The following GALNTL6 variants were observed in gnomAD, a reference collection of about 807,000 sequenced individuals.
GALNTL6 encodes the protein polypeptide N-acetylgalactosaminyltransferase-like 6.
In GALNTL6, 46 loss-of-function variants were observed where a neutral mutation model predicts 73.7. That is an observed-to-expected ratio of 0.62 (90% CI 0.49 to 0.80). The LOEUF is 0.80. GALNTL6 is among the 30% of genes least tolerant of loss of function. The probability of loss-of-function intolerance (pLI) is 0.00; values close to 1 mark genes in which losing one functional copy is unlikely to be tolerated. For synonymous variants in GALNTL6, 259 were observed against 263.7 expected (o/e 0.98, Z 0.17); for missense variants, 604 against 755.0 (o/e 0.80, Z 2.34).
intron 2 of GALNTL6, among the ~76,000 whole-genome samples, chr4:171,958,012 G>GAAAAGC: frequency 6.6e-6 from 1 of 152,284 alleles, no homozygotes; most frequent in South Asian, 2.1e-4. Context: ...TTTATGATCA[G>GAAAAGC]AAAAGCACCT....
chr4:172,763,206 AC>A (rs1738220487), intron 5 of GALNTL6, among the ~76,000 whole-genome samples: 1 of 152,212 alleles, frequency 6.6e-6, no homozygotes, highest in African/African-American at 2.4e-5. Context: ...AAAAAAAAAA[AC>A]AAAACTGGAG....
At chr4:172,110,553 T>G (rs1732823601) in intron 2 of GALNTL6, among the ~76,000 whole-genome samples, 1 of 152,188 alleles carries the variant, frequency 6.6e-6, no homozygotes, top group African/African-American at 2.4e-5. Flanking sequence ...CTGCCAACAA[T>G]CTTCCTAGAG....
intron 5 of GALNTL6, among the ~76,000 whole-genome samples, chr4:172,802,375 C>A (rs1740699499): frequency 6.6e-6 from 1 of 152,028 alleles, no homozygotes; most frequent in African/African-American, 2.4e-5. Flanking sequence ...TAAAAGAATT[C>A]TTAACAGGAC....
chr4:172,926,567 C>A (rs944182599), intron 8 of GALNTL6, among the ~76,000 whole-genome samples: 1 of 152,206 alleles, frequency 6.6e-6, no homozygotes, highest in Non-Finnish European at 1.5e-5. Flanking sequence ...TCACTTATCA[C>A]CATCTCCTAG....
In GALNTL6 at chr4:172,699,121, C is replaced by T. The variant is rs1246584919; in HGVS notation, c.554-110240C>T. Among the ~76,000 whole-genome samples, 3 of 152,190 alleles carry T rather than the reference C, an allele frequency of 2.0e-5. No homozygotes were observed. In the East Asian group the frequency reaches 5.8e-4, roughly 29 times the overall value. Reference sequence around the variant, plus strand: ...ATGGTGGAAGGGGCAAGAAAGCTCTCTGGGGACTCCTTCATGAGGATCTTA... The same window carrying T: ...ATGGTGGAAGGGGCAAGAAAGCTCTTTGGGGACTCCTTCATGAGGATCTTA... On this transcript the variant is annotated intron_variant, in intron 5 of 12. Coordinates refer to ENST00000506823, the MANE Select transcript of GALNTL6 (RefSeq NM_001034845.3).
At chr4:172,011,948 A>T (rs533002179) in intron 2 of GALNTL6, among the ~76,000 whole-genome samples, 3 of 152,176 alleles carry the variant, frequency 2.0e-5, no homozygotes, top group Admixed American at 2.0e-4. Flanking sequence ...TTAATGGTGA[A>T]CTAAGACCTT....
chr4:172,020,608 A>G (rs1040969486), intron 2 of GALNTL6, among the ~76,000 whole-genome samples: 6 of 151,982 alleles, frequency 3.9e-5, no homozygotes, highest in Admixed American at 1.3e-4. Context: ...AGATTAGACC[A>G]TGAAGAAATA....
chr4:171,867,455 C>T (rs1475893009), intron 2 of GALNTL6, among the ~76,000 whole-genome samples: 1 of 152,192 alleles, frequency 6.6e-6, no homozygotes, highest in African/African-American at 2.4e-5. Flanking sequence ...TTTGTCTTTG[C>T]TCCTTCACTT....
chr4:172,934,068 A>C (rs1748486283), intron 9 of GALNTL6, among the ~76,000 whole-genome samples: 1 of 152,208 alleles, frequency 6.6e-6, no homozygotes, highest in South Asian at 2.1e-4. Context: ...CTGGCATTAG[A>C]ATCTGGTTGC....
intron 7 of GALNTL6, among the ~76,000 whole-genome samples, chr4:172,871,065 AT>A (rs1239317401): frequency 8.6e-5 from 13 of 152,006 alleles, no homozygotes; most frequent in African/African-American, 3.1e-4. Flanking sequence ...CCAGAAAAAA[AT>A]TTTTTTAAGT....
intron 5 of GALNTL6, among the ~76,000 whole-genome samples, chr4:172,618,954 C>T (rs954032291): frequency 6.6e-5 from 10 of 152,058 alleles, no homozygotes; most frequent in Admixed American, 2.0e-4. Flanking sequence ...GATCTCCTGA[C>T]CTCATGATCC....
chr4:171,854,353 A>C (rs1019764759), intron 2 of GALNTL6, among the ~76,000 whole-genome samples: 1 of 152,184 alleles, frequency 6.6e-6, no homozygotes, highest in Middle Eastern at 3.2e-3. Context: ...ATAAGAATCA[A>C]GTGTAGGTAC....
chr4:172,578,883 G>A (rs1021808917), intron 5 of GALNTL6, among the ~76,000 whole-genome samples: 4 of 152,294 alleles, frequency 2.6e-5, no homozygotes, highest in Admixed American at 6.5e-5. Flanking sequence ...AGCAAATGAC[G>A]TGAGTGAGGT....
At chr4:172,860,741 TTGTTACTAAAA>T (rs1187155779) in intron 7 of GALNTL6, among the ~76,000 whole-genome samples, 1 of 152,178 alleles carries the variant, frequency 6.6e-6, no homozygotes. Context: ...ATGCCTAAAA[TTGTTACTAAAA>T]TGTAGCAGCT....
chr4:172,373,968 G>C (rs985441998), intron 5 of GALNTL6, among the ~76,000 whole-genome samples: 7 of 152,158 alleles, frequency 4.6e-5, no homozygotes, highest in African/African-American at 1.7e-4. Context: ...GGCTCAGTGA[G>C]GGTGATGACA....
intron 5 of GALNTL6, among the ~76,000 whole-genome samples, chr4:172,641,671 G>A (rs529315825): frequency 3.3e-5 from 5 of 152,064 alleles, no homozygotes; most frequent in Non-Finnish European, 7.4e-5. Context: ...CCTCAACCTG[G>A]ACGTTTTCTT....
intron 5 of GALNTL6, among the ~76,000 whole-genome samples, chr4:172,691,966 T>G (rs1455034630): frequency 6.6e-6 from 1 of 152,166 alleles, no homozygotes. Context: ...AAGGATATGG[T>G]GAATGTAAAT....
rs371266738 is a variant in GALNTL6 at position 172,285,021 on chromosome 4, A to C, written c.248-26593A>C. ...TAATAGGGATTGCAGTAGATCTGAA[A>C]TTGCTTTGCATAGTATGGTCATTGT... is the stretch of plus-strand genomic sequence containing the variant. On this transcript the variant is annotated intron_variant, in intron 3 of 12. Coordinates refer to ENST00000506823, the MANE Select transcript of GALNTL6 (RefSeq NM_001034845.3). Among the ~76,000 whole-genome samples, 94 of 152,302 alleles carry C rather than the reference A, an allele frequency of 6.2e-4. 2 individuals carry two copies. The South Asian group carries it at 0.019, about 31-fold the overall frequency.
At chr4:172,380,253 T>C in intron 5 of GALNTL6, 2 of 874,134 alleles carry the variant, frequency 2.3e-6, no homozygotes, top group Admixed American at 3.4e-5. Context: ...TTGTCTACAT[T>C]AGGATGACAA....
Sources: allele counts gnomAD v4.1 joint callset (sites outside exome capture counted in the v4.1 genomes callset), GRCh38; gene constraint gnomAD v4.1.1; transcripts MANE v1.5; gene names NCBI Gene and HGNC (gene_info 2026-07-23, HGNC 2026-07-21).